CENPM: variants seen among roughly 807,000 people sequenced by gnomAD.
CENPM encodes interphase centromere complex protein 39.
A neutral mutation model predicts 19.6 loss-of-function variants in CENPM; 14 were observed. The ratio of observed to expected loss-of-function variants is 0.71; its 90% CI spans 0.47 to 1.11. The LOEUF is 1.11. CENPM is among the 50% of genes most tolerant of loss of function. The probability of loss-of-function intolerance (pLI) is 0.00; values close to 1 mark genes in which losing one functional copy is unlikely to be tolerated. For synonymous variants in CENPM, 114 were observed against 101.5 expected (o/e 1.12, Z -0.74); for missense variants, 239 against 228.4 (o/e 1.05, Z -0.30).
intron 4 of CENPM, among the ~76,000 whole-genome samples, chr22:41,944,375 G>A (rs577550966): frequency 6.6e-6 from 1 of 151,372 alleles, no homozygotes; most frequent in South Asian, 2.1e-4. Context: ...GACGGTGGTT[G>A]CGGTGAGCTG....
the CENPM span, among the ~76,000 whole-genome samples, chr22:41,928,779 G>A: frequency 6.6e-6 from 1 of 152,150 alleles, no homozygotes; most frequent in African/African-American, 2.4e-5. This position sits in a 1 kb window ranked among gnomAD's most constrained non-coding sequence, Gnocchi z 4.0. Flanking sequence ...GGGTGTCTGG[G>A]TAGGAGGGAG....
chr22:41,931,167 C>T, the CENPM span, among the ~76,000 whole-genome samples: 7 of 148,826 alleles, frequency 4.7e-5, no homozygotes, highest in Non-Finnish European at 8.9e-5. Context: ...ACTGAATACT[C>T]TTTTTAAAAA....
the CENPM span, among the ~76,000 whole-genome samples, chr22:41,929,345 A>T: frequency 6.6e-6 from 1 of 152,146 alleles, no homozygotes; most frequent in Non-Finnish European, 1.5e-5. Context: ...CAGCTCATTT[A>T]GCCCTTGTGC....
At chr22:41,935,304 G>A (rs1602380843), downstream of CENPM, among the ~76,000 whole-genome samples, 2 of 152,106 alleles carry the variant, frequency 1.3e-5, no homozygotes, top group East Asian at 1.9e-4. Context: ...GTGGGGGAAG[G>A]CCTCTCCTCC....
At chr22:41,930,022 C>A in the CENPM span, among the ~76,000 whole-genome samples, 4 of 143,510 alleles carry the variant, frequency 2.8e-5, no homozygotes, top group African/African-American at 1.1e-4. Flanking sequence ...CCGCTCACTG[C>A]AAGCTCCGCC....
chr22:41,945,915 G>C lies in CENPM; in HGVS notation c.228C>G (p.Tyr76Ter), dbSNP rs1045350520. 6.2e-7 allele frequency: 1 copy of C among 1,613,086 alleles called. No homozygotes were observed. The highest frequency in any genetic ancestry group is 8.5e-7 in the Non-Finnish European group (1 of 1,179,212). ...CTGCCCCTTCCTCTGGCTCTCACCT[G>C]TATTTGCTGTGAAGATTAACCACAA... ...IVFVVNLHSK[Y>*]SLQNTEESLR... Residue 76 changes from tyrosine to a stop codon, truncating the protein, a stop_gained and splice_region_variant, in exon 3 of 6, where the codon TAC becomes TAG. Coordinates refer to ENST00000215980, the MANE Select transcript of CENPM (RefSeq NM_024053.5). LOFTEE classifies it high-confidence loss of function.
chr22:41,947,134 T>A lies in CENPM; in HGVS notation c.-58A>T. ...TGCGCGCCGATCTTTCAAACCGCCCTGAGTCCAGCCCCTAGAGCGCGGCCT... is the reference window on the plus strand; with the variant it reads ...TGCGCGCCGATCTTTCAAACCGCCCAGAGTCCAGCCCCTAGAGCGCGGCCT... On this transcript the variant is annotated 5_prime_UTR_variant, in exon 1 of 6. Coordinates refer to ENST00000215980, the MANE Select transcript of CENPM (RefSeq NM_024053.5). 4 of 1,566,008 alleles carry A rather than the reference T, an allele frequency of 2.6e-6. No individual in the cohort carries two copies. The highest frequency in any genetic ancestry group is 3.5e-6 in the Non-Finnish European group (4 of 1,142,046).
downstream of CENPM, among the ~76,000 whole-genome samples, chr22:41,938,076 T>C (rs1359709933): frequency 6.6e-6 from 1 of 151,458 alleles, no homozygotes; most frequent in Non-Finnish European, 1.5e-5. Flanking sequence ...TCTCCTGACC[T>C]TGTGATCTGC....
chr22:41,930,313 T>C, the CENPM span, among the ~76,000 whole-genome samples: 4 of 151,288 alleles, frequency 2.6e-5, no homozygotes, highest in Non-Finnish European at 4.4e-5. Context: ...CACTGCAGCC[T>C]CTGCCTCCTG....
At chr22:41,931,923 T>A in the CENPM span, among the ~76,000 whole-genome samples, 2 of 152,244 alleles carry the variant, frequency 1.3e-5, no homozygotes, top group African/African-American at 4.8e-5. Context: ...CAGTAGTACC[T>A]GAACACGTGC....
In CENPM at chr22:41,938,947, G is replaced by A. The variant is rs1243251711; in HGVS notation, c.*109C>T. 1.3e-5 allele frequency: 18 copies of A among 1,420,304 alleles called. No homozygotes were observed. The highest frequency in any genetic ancestry group is 5.7e-5 in the African/African-American group (4 of 70,292). The allele number at this position is 1,420,304 out of a possible 1,614,324, so 88.0% of individuals were successfully genotyped here. A position where few individuals can be genotyped will look rare whatever the true frequency, so the allele number is the denominator to read the frequency against. ...CACTGCAGGGAACCTTCCCAGCCAC[G>A]GCGGGCTGAGCCTGGGCCTGTCAAG... On this transcript the variant is annotated 3_prime_UTR_variant, in exon 6 of 6. Transcript: ENST00000215980.
chr22:41,930,001 T>A, the CENPM span, among the ~76,000 whole-genome samples: 1 of 138,666 alleles, frequency 7.2e-6, no homozygotes, highest in Admixed American at 7.7e-5. Context: ...TGGAGTGCAG[T>A]GGCGCAATCT....
chr22:41,942,593 T>C (rs1358045839), intron 5 of CENPM, among the ~76,000 whole-genome samples: 2 of 151,586 alleles, frequency 1.3e-5, no homozygotes, highest in African/African-American at 2.4e-5. Flanking sequence ...TACTAAAAAA[T>C]ACAAAAAATT....
At position 41,947,070 on chromosome 22, in the gene CENPM, C is replaced by T. The variant is rs2077814989; in HGVS notation, c.7G>A (p.Val3Met). Residue 3 changes from valine to methionine, a missense_variant, in exon 1 of 6, where the codon GTG (valine) becomes ATG (methionine). Transcript: ENST00000215980. ...GGCAGCTTGTCCAGGGGCCTCAACA[C>T]CGACATCACAGCCGCAGGACCAACC... MS[V>M]LRPLDKLPGL... 2 of 1,612,928 alleles carry T rather than the reference C, an allele frequency of 1.2e-6. No homozygotes were observed. The highest frequency in any genetic ancestry group is 3.3e-5 in the Admixed American group (2 of 60,030).
At chr22:41,932,797 G>A in the CENPM span, among the ~76,000 whole-genome samples, 6 of 152,210 alleles carry the variant, frequency 3.9e-5, no homozygotes, top group Non-Finnish European at 8.8e-5. This position sits in a 1 kb window ranked among gnomAD's most constrained non-coding sequence, Gnocchi z 4.3. Context: ...CAACCTCCCA[G>A]GCCTTATTCA....
At chr22:41,928,847 C>A in the CENPM span, among the ~76,000 whole-genome samples, 1 of 151,826 alleles carries the variant, frequency 6.6e-6, no homozygotes, top group Non-Finnish European at 1.5e-5. This position sits in a 1 kb window ranked among gnomAD's most constrained non-coding sequence, Gnocchi z 4.0. Context: ...ACGTCCAGGG[C>A]AGGTGGCCCA....
chr22:41,928,973 C>A, the CENPM span, among the ~76,000 whole-genome samples: 1 of 152,106 alleles, frequency 6.6e-6, no homozygotes, highest in African/African-American at 2.4e-5. The surrounding 1 kb of genome is among the most constrained non-coding windows in gnomAD (Gnocchi z 4.0). Context: ...CCAGCCCTGA[C>A]TGGTGGGCGC....
chr22:41,934,922 T>C (rs2077677647), downstream of CENPM, among the ~76,000 whole-genome samples: 1 of 152,250 alleles, frequency 6.6e-6, no homozygotes, highest in African/African-American at 2.4e-5. Flanking sequence ...AACTGTCTCC[T>C]GGACAATGTC....
rs1376143274 is a variant in CENPM at position 41,943,613 on chromosome 22, C to T, written c.399G>A (p.Leu133=). 1 of 1,612,894 alleles carries T rather than the reference C, an allele frequency of 6.2e-7. No individual in the cohort carries two copies. Among genetic ancestry groups the T allele is most frequent in the Non-Finnish European group, 8.5e-7 (1 of 1,179,412 alleles). ...TCTCTGTGATCAGCATGCTCACCTCCAGGTCACAGTAGAGCAGGGGGCTTT... is the reference window on the plus strand; with the variant it reads ...TCTCTGTGATCAGCATGCTCACCTCTAGGTCACAGTAGAGCAGGGGGCTTT... ...TYQSPLLYCD[L]EVEGFRATMA... The change falls in exon 5 of 6, where the codon CTG becomes CTA. Residue 133 remains leucine (L), a synonymous_variant. Coordinates refer to ENST00000215980, the MANE Select transcript of CENPM (RefSeq NM_024053.5).
Sources: gnomAD v4.1 joint callset for allele counts (sites outside exome capture counted in the v4.1 genomes callset) on GRCh38, gnomAD v4.1.1 for gene constraint, Gnocchi (gnomAD v3.1) non-coding constraint, MANE v1.5 for transcripts, NCBI Gene and HGNC (gene_info 2026-07-23, HGNC 2026-07-21) for gene names.